ADK: variants seen among roughly 807,000 people sequenced by gnomAD.
The protein encoded by ADK is adenosine kinase.
Under a neutral mutation model 44.7 loss-of-function variants are expected in ADK, and 24 were observed. The ratio of observed to expected loss-of-function variants is 0.54; its 90% confidence interval spans 0.39 to 0.76. The LOEUF (loss-of-function observed/expected upper bound fraction) is 0.76. Among genes scored for constraint, ADK ranks in the 30% least tolerant of loss-of-function variants. The pLI, the probability that ADK is intolerant of heterozygous loss-of-function variation, is 0.00. For synonymous variants in ADK, 128 were observed against 142.6 expected, an observed-to-expected ratio of 0.90 and a Z score of 0.73; for missense variants, 321 against 425.1, an observed-to-expected ratio of 0.76 and a Z score of 2.15.
chr10:74,664,707 G>A (rs1172109301), intron 9 of ADK, among the ~76,000 whole-genome samples: 2 of 152,120 alleles, frequency 1.3e-5, no homozygotes, highest in Non-Finnish European at 2.9e-5. Context: ...GCCGGGCATG[G>A]TGGTACACAC....
chr10:74,342,528 A>G (rs1231776512), intron 4 of ADK, among the ~76,000 whole-genome samples: 1 of 152,184 alleles, frequency 6.6e-6, no homozygotes, highest in Non-Finnish European at 1.5e-5. Context: ...GCTGAAGTGC[A>G]GTGGCACAAA....
At chr10:74,203,552 G>T (rs971913421) in intron 2 of ADK, among the ~76,000 whole-genome samples, 11 of 151,764 alleles carry the variant, frequency 7.2e-5, no homozygotes, top group African/African-American at 2.7e-4. Context: ...TATAAACAGG[G>T]TCTCCTTATG....
intron 3 of ADK, among the ~76,000 whole-genome samples, chr10:74,271,268 T>C (rs547287325): frequency 6.6e-6 from 1 of 152,280 alleles, no homozygotes; most frequent in Non-Finnish European, 1.5e-5. Context: ...TTGGCAATAA[T>C]TGTCAGTTCT....
intron 4 of ADK, among the ~76,000 whole-genome samples, chr10:74,333,176 TG>T (rs1277174708): frequency 6.6e-6 from 1 of 152,110 alleles, no homozygotes; most frequent in Admixed American, 6.5e-5. Context: ...AAATGCCTAG[TG>T]GGCTGGGAAT....
chr10:74,296,057 A>G (rs2132497511), intron 3 of ADK, among the ~76,000 whole-genome samples: 1 of 123,772 alleles, frequency 8.1e-6, no homozygotes, highest in South Asian at 2.5e-4. Flanking sequence ...ATTTCCACGT[A>G]TTTAGCTCCT....
intron 3 of ADK, among the ~76,000 whole-genome samples, chr10:74,275,894 G>A (rs1846653700): frequency 6.6e-6 from 1 of 152,118 alleles, no homozygotes. Context: ...GCCTGCCTCA[G>A]CCTTCCAAAG....
At chr10:74,169,247 T>C (rs763429834) in intron 1 of ADK, among the ~76,000 whole-genome samples, 3 of 152,152 alleles carry the variant, frequency 2.0e-5, no homozygotes, top group African/African-American at 7.2e-5. Flanking sequence ...ATATATTTCA[T>C]AAGGTTAGCA....
At chr10:74,543,241 A>C (rs950957192) in intron 7 of ADK, among the ~76,000 whole-genome samples, 8 of 150,762 alleles carry the variant, frequency 5.3e-5, no homozygotes, top group Non-Finnish European at 1.0e-4. Context: ...ACAGGGTCTC[A>C]CTGTGTTGCC....
At chr10:74,230,475 CT>C (rs201068955) in intron 3 of ADK, among the ~76,000 whole-genome samples, 25,925 of 142,412 alleles carry the variant, frequency 0.18, 2,484 homozygotes, top group African/African-American at 0.3. Flanking sequence ...AGTATATAGT[CT>C]TTTTTTTTTT....
At chr10:74,652,027 A>G (rs1246066313) in intron 9 of ADK, among the ~76,000 whole-genome samples, 1 of 151,186 alleles carries the variant, frequency 6.6e-6, no homozygotes, top group Non-Finnish European at 1.5e-5. Context: ...CTATGAAGGG[A>G]TATGAAGGAA....
intron 9 of ADK, among the ~76,000 whole-genome samples, chr10:74,619,555 T>C (rs1050306862): frequency 6.6e-6 from 1 of 152,180 alleles, no homozygotes; most frequent in Non-Finnish European, 1.5e-5. Context: ...TGTAGTATAA[T>C]CCTCTACCTT....
intron 6 of ADK, among the ~76,000 whole-genome samples, chr10:74,493,953 A>G (rs1237648180): frequency 2.0e-5 from 3 of 152,220 alleles, no homozygotes; most frequent in African/African-American, 2.4e-5. Context: ...AGTGTACTTC[A>G]TATGATATGC....
intron 2 of ADK, among the ~76,000 whole-genome samples, chr10:74,218,315 G>A (rs1423874530): frequency 6.6e-6 from 1 of 152,082 alleles, no homozygotes; most frequent in African/African-American, 2.4e-5. Context: ...GGGAAGTTTA[G>A]AGAAAAAAGA....
At chr10:74,310,032 A>G (rs895987290) in intron 3 of ADK, among the ~76,000 whole-genome samples, 1 of 151,994 alleles carries the variant, frequency 6.6e-6, no homozygotes, top group African/African-American at 2.4e-5. Context: ...AATATTACAA[A>G]GTTTATTAAA....
At chr10:74,459,727 C>CAAAAAAAAA (rs986375076) in intron 6 of ADK, among the ~76,000 whole-genome samples, 1 of 42,782 alleles carries the variant, frequency 2.3e-5, no homozygotes, top group Non-Finnish European at 5.1e-5. Context: ...GACTCCATCT[C>CAAAAAAAAA]AAAAAAAAAA....
At chr10:74,484,959 A>G (rs1055558609) in intron 6 of ADK, among the ~76,000 whole-genome samples, 3 of 152,182 alleles carry the variant, frequency 2.0e-5, no homozygotes, top group African/African-American at 7.2e-5. Flanking sequence ...ACTTTTGAGA[A>G]TATCTGTATG....
chr10:74,216,126 A>C (rs1011077303), intron 2 of ADK, among the ~76,000 whole-genome samples: 1 of 152,122 alleles, frequency 6.6e-6, no homozygotes, highest in East Asian at 1.9e-4. Flanking sequence ...CTATTCTTAT[A>C]TGATGTATTT....
chr10:74,708,172 A>G, intron 10 of ADK, 149 bp from the exon 11 acceptor site: 1 of 657,690 alleles, frequency 1.5e-6, no homozygotes, highest in Non-Finnish European at 2.5e-6. Context: ...AAAAAAAAAG[A>G]CCTCCCTAAC....
chr10:74,380,584 C>A (rs539142664), intron 4 of ADK, among the ~76,000 whole-genome samples: 6 of 151,964 alleles, frequency 3.9e-5, no homozygotes, highest in Non-Finnish European at 7.4e-5. Context: ...TGGTAAAACC[C>A]CATCTCTACT....
Sources: allele counts gnomAD v4.1 joint callset (sites outside exome capture counted in the v4.1 genomes callset), GRCh38; gene constraint gnomAD v4.1.1; transcripts MANE v1.5; gene names NCBI Gene and HGNC (gene_info 2026-07-23, HGNC 2026-07-21).